Variants in RBFOX1 observed in about 807,000 individuals in gnomAD.
RBFOX1 encodes the protein RNA binding protein fox-1 homolog 1.
A neutral mutation model predicts 57.7 loss-of-function variants in RBFOX1; 8 were observed. The ratio of observed to expected loss-of-function variants is 0.14; its 90% CI spans 0.08 to 0.25. The LOEUF (loss-of-function observed/expected upper bound fraction) is 0.25. Among genes scored for constraint, RBFOX1 ranks in the 10% least tolerant of loss-of-function variants. RBFOX1 has a pLI of 1.00. For missense variants in RBFOX1, 611 were observed against 548.5 expected, an observed-to-expected ratio of 1.11 and a Z score of -1.14; for synonymous variants, 326 against 222.4, an observed-to-expected ratio of 1.47 and a Z score of -4.15.
At chr16:6,890,664 C>T (rs965676841) in intron 3 of RBFOX1, among the ~76,000 whole-genome samples, 3 of 152,198 alleles carry the variant, frequency 2.0e-5, no homozygotes, top group Non-Finnish European at 4.4e-5. Context: ...AGGGATTTAT[C>T]TCCATCTTGT....
At chr16:7,378,838 A>G (rs1403578650) in intron 4 of RBFOX1, among the ~76,000 whole-genome samples, 3 of 152,178 alleles carry the variant, frequency 2.0e-5, no homozygotes, top group South Asian at 2.1e-4. Flanking sequence ...CAGGGCACAA[A>G]AGGACCTTCC....
At chr16:7,035,138 G>A (rs1417959868) in intron 3 of RBFOX1, among the ~76,000 whole-genome samples, 1 of 151,906 alleles carries the variant, frequency 6.6e-6, no homozygotes, top group African/African-American at 2.4e-5. Context: ...GTGAGCCGCT[G>A]CACCGGGCCT....
chr16:5,792,241 G>A (rs1274263612), intron 3 of RBFOX1, among the ~76,000 whole-genome samples: 4 of 152,176 alleles, frequency 2.6e-5, no homozygotes, highest in African/African-American at 9.7e-5. Flanking sequence ...TAAATGGTCA[G>A]TTCTGTTGTT....
rs1216364893 is a variant in RBFOX1 at position 6,036,522 on chromosome 16, T to C, written c.-127+16530T>C. On this transcript the variant is annotated intron_variant, in intron 1 of 15. Transcript: ENST00000550418. ...GCAAATACCTATCACTTAGATAGTT[T>C]TTAAGTCATCTCCTGTTTCTGATTC... 2.0e-5 allele frequency among the ~76,000 whole-genome samples: 3 copies of C among 152,350 alleles called. No individual in the cohort carries two copies. In the South Asian group the frequency reaches 6.2e-4, roughly 32 times the overall value.
chr16:5,309,667 C>G (rs890615751), intron 1 of RBFOX1, among the ~76,000 whole-genome samples: 1 of 152,158 alleles, frequency 6.6e-6, no homozygotes, highest in African/African-American at 2.4e-5. Context: ...CCCTCCCACT[C>G]TCTCACCCTT....
chr16:6,837,998 G>C (rs948843761), intron 3 of RBFOX1, among the ~76,000 whole-genome samples: 1 of 134,420 alleles, frequency 7.4e-6, no homozygotes, highest in Non-Finnish European at 1.5e-5. Flanking sequence ...ATACTGGGAA[G>C]TTACCACCCC....
intron 4 of RBFOX1, among the ~76,000 whole-genome samples, chr16:7,331,934 G>A (rs764294205): frequency 3.9e-5 from 6 of 152,150 alleles, no homozygotes; most frequent in Non-Finnish European, 7.3e-5. Context: ...ATCTGTGCTT[G>A]AATGTATTTT....
At chr16:5,965,316 C>T (rs554152554) in intron 4 of RBFOX1, among the ~76,000 whole-genome samples, 6 of 152,170 alleles carry the variant, frequency 3.9e-5, no homozygotes, top group Non-Finnish European at 7.4e-5. Context: ...CACAAGCAAA[C>T]GTAGCTGTGT....
downstream of RBFOX1, chr16:5,600,298 C>G (rs2047323196): frequency 6.9e-6 from 1 of 145,360 alleles, no homozygotes; most frequent in East Asian, 2.0e-4. Flanking sequence ...GACTCCGTCT[C>G]AAAAAAATAA....
chr16:5,775,968 G>A (rs1235228025), intron 3 of RBFOX1, among the ~76,000 whole-genome samples: 3 of 152,174 alleles, frequency 2.0e-5, no homozygotes, highest in African/African-American at 7.2e-5. Flanking sequence ...CAGCTCCCCA[G>A]GATGAGCGAT....
intron 1 of RBFOX1, among the ~76,000 whole-genome samples, chr16:5,322,026 A>C (rs2064424262): frequency 6.6e-6 from 1 of 152,118 alleles, no homozygotes; most frequent in East Asian, 1.9e-4. Flanking sequence ...TCCATCCTAC[A>C]GATGAAGAAG....
intron 3 of RBFOX1, among the ~76,000 whole-genome samples, chr16:6,928,189 T>A (rs1002329208): frequency 6.6e-6 from 1 of 152,068 alleles, no homozygotes; most frequent in Non-Finnish European, 1.5e-5. Flanking sequence ...ATGGGGAGTG[T>A]TAGAAAAGAT....
intron 4 of RBFOX1, among the ~76,000 whole-genome samples, chr16:7,427,129 C>T (rs879179094): frequency 3.3e-5 from 5 of 151,938 alleles, no homozygotes; most frequent in South Asian, 4.2e-4. Context: ...GTGGGGGGAG[C>T]GGAGAGGGAT....
At chr16:6,912,597 C>A (rs940348323) in intron 3 of RBFOX1, among the ~76,000 whole-genome samples, 1 of 139,968 alleles carries the variant, frequency 7.1e-6, no homozygotes. Flanking sequence ...TTCTTGCTTT[C>A]TTTTCTTGTG....
At chr16:6,800,573 C>T (rs554140609) in intron 3 of RBFOX1, among the ~76,000 whole-genome samples, 1 of 151,822 alleles carries the variant, frequency 6.6e-6, no homozygotes, top group Non-Finnish European at 1.5e-5. Flanking sequence ...CTAGAGGGCC[C>T]GGTAATCACC....
chr16:5,606,485 C>T (rs185835514), intron 3 of RBFOX1, among the ~76,000 whole-genome samples: 1 of 152,154 alleles, frequency 6.6e-6, no homozygotes, highest in Non-Finnish European at 1.5e-5. Context: ...TTCTCTCTCA[C>T]TCACCTCCTC....
intron 1 of RBFOX1, among the ~76,000 whole-genome samples, chr16:5,426,265 A>G (rs927964168): frequency 3.3e-5 from 5 of 151,944 alleles, no homozygotes; most frequent in Non-Finnish European, 7.4e-5. Context: ...AGAGACCCAC[A>G]CCTTCACGGG....
intron 5 of RBFOX1, among the ~76,000 whole-genome samples, chr16:7,555,374 T>G (rs1601704989): frequency 6.6e-6 from 1 of 152,112 alleles, no homozygotes; most frequent in Non-Finnish European, 1.5e-5. Context: ...AATCCATGGT[T>G]TAGTTAATAG....
At chr16:7,445,049 A>G (rs2098797791) in intron 4 of RBFOX1, among the ~76,000 whole-genome samples, 2 of 152,204 alleles carry the variant, frequency 1.3e-5, no homozygotes, top group South Asian at 4.2e-4. Context: ...GGGAATAAGA[A>G]AAAGCAACGT....
Sources: allele counts gnomAD v4.1 joint callset (sites outside exome capture counted in the v4.1 genomes callset), GRCh38; gene constraint gnomAD v4.1.1; transcripts MANE v1.5; gene names NCBI Gene and HGNC (gene_info 2026-07-23, HGNC 2026-07-21).